Variants in TNC observed in about 807,000 individuals in gnomAD.
The protein encoded by TNC is tenascin C.
TNC carries 109 observed loss-of-function variants against 202.4 expected under a neutral mutation model. The observed-to-expected ratio is 0.54, with a 90% CI of 0.46 to 0.63. The LOEUF (loss-of-function observed/expected upper bound fraction) is 0.63, where lower values mean the gene tolerates loss of function less well. TNC is among the 30% of genes least tolerant of loss of function. The pLI, the probability that TNC is intolerant of heterozygous loss-of-function variation, is 0.00. For synonymous variants in TNC, 1,007 were observed against 1,089.7 expected, an observed-to-expected ratio of 0.92 and a Z score of 1.50; for missense variants, 2,756 against 2,833.3, an observed-to-expected ratio of 0.97 and a Z score of 0.62.
chr9:115,042,296 T>A lies in TNC; in HGVS notation c.5171A>T (p.Asn1724Ile). ...KEVIFSDITE[N>I]SATVSWRAPT... The stretch of plus-strand genomic sequence containing the variant: ...TGCCCTCCAGCTGACAGTAGCCGAA[T>A]TTTCAGTGATGTCTGAGAAAATGAC... Residue 1724 changes from asparagine (N) to isoleucine (I), a missense_variant, in exon 18 of 28, where the codon AAT (asparagine) becomes ATT (isoleucine). Around this residue, in one of 2 missense-constraint regions of TNC, gnomAD observed 2,559 missense variants for 2,546.0 expected, o/e 1.01. Coordinates refer to ENST00000350763, the MANE Select transcript of TNC (RefSeq NM_002160.4). The A allele has an allele frequency of 6.2e-7, 1 of 1,614,136 alleles. No homozygotes were observed. The highest frequency in any genetic ancestry group is 8.5e-7 in the Non-Finnish European group (1 of 1,179,970).
intron 9 of TNC, among the ~76,000 whole-genome samples, 167 bp downstream of exon 9, chr9:115,075,865 C>T (rs1479815160): frequency 2.0e-5 from 3 of 152,146 alleles, no homozygotes; most frequent in Non-Finnish European, 4.4e-5. Context: ...ACAGATGGAC[C>T]GTACTTATGT....
chr9:115,045,552 T>C (rs1318002528), intron 17 of TNC, among the ~76,000 whole-genome samples: 1 of 145,882 alleles, frequency 6.9e-6, no homozygotes, highest in African/African-American at 2.6e-5. Flanking sequence ...TTTTTTTTTT[T>C]TTTTTTTTTT....
intron 18 of TNC, 58 bp from the exon 19 acceptor site, chr9:115,041,142 G>C (rs1197300728): frequency 3.3e-6 from 5 of 1,532,628 alleles, no homozygotes; most frequent in East Asian, 2.3e-5. Context: ...CTTATTCACT[G>C]TTGCCCCCAA....
At chr9:115,073,281 G>C (rs1833595327) in intron 10 of TNC, among the ~76,000 whole-genome samples, 1 of 152,202 alleles carries the variant, frequency 6.6e-6, no homozygotes, top group South Asian at 2.1e-4. Flanking sequence ...AGAAACAATT[G>C]AAAAGATGCT....
intron 1 of TNC, among the ~76,000 whole-genome samples, chr9:115,117,020 G>C (rs1031510621): frequency 1.3e-5 from 2 of 152,198 alleles, no homozygotes; most frequent in South Asian, 4.1e-4. Context: ...AGTCATTGCT[G>C]ATCTTTCTAT....
chr9:115,038,308 G>T lies in TNC; in HGVS notation c.5465C>A (p.Ala1822Asp). 1 of 1,614,154 alleles carries T rather than the reference G, an allele frequency of 6.2e-7. No homozygotes were observed. Among genetic ancestry groups the T allele is most frequent in the Non-Finnish European group, 8.5e-7 (1 of 1,179,994 alleles). ...GACATAACTGTCCACAGTGGCAATGGCTGGCTGCCACCTGGCCAAGGCTTC... is the reference window on the plus strand; with the variant it reads ...GACATAACTGTCCACAGTGGCAATGTCTGGCTGCCACCTGGCCAAGGCTTC... The part of the protein sequence containing the change: ...DSEALARWQP[A>D]IATVDSYVIS... The change falls in exon 20 of 28, where the codon GCC becomes GAC. Residue 1822 changes from alanine to aspartate, a missense_variant. By Grantham distance (126) the Ala-to-Asp change is moderately radical (BLOSUM62 -2). Coordinates refer to ENST00000350763, the MANE Select transcript of TNC (RefSeq NM_002160.4).
intron 15 of TNC, among the ~76,000 whole-genome samples, chr9:115,051,673 GA>G (rs1223836240): frequency 2.6e-5 from 4 of 151,344 alleles, no homozygotes; most frequent in Non-Finnish European, 5.9e-5. Context: ...ATTTTTTAAA[GA>G]AAAAGATGGT....
intron 1 of TNC, among the ~76,000 whole-genome samples, chr9:115,098,916 C>T (rs1042526770): frequency 2.0e-5 from 3 of 146,384 alleles, no homozygotes; most frequent in Non-Finnish European, 4.5e-5. Context: ...AGAGAGGAGC[C>T]AGGAAACAGC....
chr9:115,055,100 T>C (rs1832007527), intron 15 of TNC, among the ~76,000 whole-genome samples: 2 of 152,104 alleles, frequency 1.3e-5, no homozygotes, highest in African/African-American at 4.8e-5. Context: ...ACATACCTCT[T>C]TGAACATGAC....
chr9:115,034,783 C>T (rs763819236), intron 22 of TNC, among the ~76,000 whole-genome samples: 4 of 152,072 alleles, frequency 2.6e-5, no homozygotes, highest in Admixed American at 1.3e-4. Context: ...ATAATATAAA[C>T]ACTGGATAAA....
At chr9:115,082,955 A>G (rs1345114612) in intron 4 of TNC, 148 bp from the exon 5 acceptor site, 6 of 610,474 alleles carry the variant, frequency 9.8e-6, no homozygotes, top group Non-Finnish European at 1.8e-5. Context: ...TTCTTCTGGG[A>G]TGAGGTCTCT....
chr9:115,052,853 G>C (rs1315039803), intron 15 of TNC: 1 of 702,682 alleles, frequency 1.4e-6, no homozygotes, highest in Non-Finnish European at 2.6e-6. Flanking sequence ...AGCTTGCTTT[G>C]CATCTCCTGA....
chr9:115,111,721 C>G (rs1015944988), intron 1 of TNC, among the ~76,000 whole-genome samples: 2 of 152,066 alleles, frequency 1.3e-5, no homozygotes, highest in Non-Finnish European at 2.9e-5. Flanking sequence ...AACTCTCTTT[C>G]TCATTGGCTT....
In TNC at chr9:115,036,185, G is replaced by A; in HGVS notation, c.5569C>T (p.Leu1857Phe). The A allele has an allele frequency of 6.2e-7, 1 of 1,614,160 alleles. No individual in the cohort carries two copies. Among genetic ancestry groups the A allele is most frequent in the Non-Finnish European group, 8.5e-7 (1 of 1,180,016 alleles). Residue 1857 changes from leucine to phenylalanine, a missense_variant, in exon 21 of 28, where the codon CTC (leucine) becomes TTC (phenylalanine). Physicochemically the swap from Leu to Phe is conservative, Grantham distance 22 (BLOSUM62 0). Coordinates refer to ENST00000350763, the MANE Select transcript of TNC (RefSeq NM_002160.4). ...GNTVEYALTD[L>F]EPATEYTLRI... ...AGTGTGTATTCCGTGGCAGGCTCGAGGTCGGTCAGAGCATACTCCACTGTG... is the reference window on the plus strand; with the variant it reads ...AGTGTGTATTCCGTGGCAGGCTCGAAGTCGGTCAGAGCATACTCCACTGTG...
Position 115,090,736 on chromosome 9 carries a change from C to A in TNC, c.283G>T (p.Glu95Ter). 1.2e-6 allele frequency: 2 copies of A among 1,614,208 alleles called. No individual in the cohort carries two copies. Among genetic ancestry groups the A allele is most frequent in the Non-Finnish European group, 1.7e-6 (2 of 1,180,048 alleles). The change falls in exon 2 of 28, where the codon GAA becomes TAA. Residue 95 changes from glutamate (E) to a stop codon, truncating the protein, a stop_gained. Transcript: ENST00000350763. LOFTEE classifies it high-confidence loss of function. Reference protein sequence around the residue: ...ESFQEHTVDGENQIVFTHRIN... With the variant: ...ESFQEHTVDG ...CGATGTGTGAAGACAATCTGGTTTTCCCCATCCACTGTGTGCTCCTGAAAG... is the reference window on the plus strand; with the variant it reads ...CGATGTGTGAAGACAATCTGGTTTTACCCATCCACTGTGTGCTCCTGAAAG...
chr9:115,050,216 G>A (rs779344362), intron 15 of TNC, among the ~76,000 whole-genome samples: 20 of 152,128 alleles, frequency 1.3e-4, no homozygotes, highest in Non-Finnish European at 2.8e-4. Flanking sequence ...AGGCAATCAA[G>A]GGCTTGTTAT....
chr9:115,082,892 G>A, intron 4 of TNC, 85 bp from the exon 5 acceptor site: 1 of 896,670 alleles, frequency 1.1e-6, no homozygotes, highest in East Asian at 2.4e-5. Context: ...AAACCAGACT[G>A]GATGTCTGCA....
chr9:115,075,919 C>G (rs1245955880), intron 9 of TNC, 113 bp downstream of exon 9: 2 of 871,694 alleles, frequency 2.3e-6, no homozygotes, highest in African/African-American at 1.7e-5. Flanking sequence ...ACTACAGGGC[C>G]CTTTTTCCTC....
chr9:115,062,836 C>T (rs1832650997), intron 13 of TNC, 81 bp downstream of exon 13: 7 of 1,494,024 alleles, frequency 4.7e-6, no homozygotes, highest in South Asian at 1.3e-5. Context: ...GGGTAGGATT[C>T]TGCCACACGG....
Sources: allele counts gnomAD v4.1 joint callset (sites outside exome capture counted in the v4.1 genomes callset), GRCh38; gene constraint gnomAD v4.1.1; regional missense constraint gnomAD v4.1.1; transcripts MANE v1.5; gene names NCBI Gene and HGNC (gene_info 2026-07-23, HGNC 2026-07-21).